ADAM18: variants seen among roughly 807,000 people sequenced by gnomAD.
The protein encoded by ADAM18 is disintegrin and metalloproteinase domain-containing protein 18.
ADAM18 carries 117 observed loss-of-function variants against 94.4 expected under a neutral mutation model. That is an observed-to-expected ratio of 1.24 (90% CI 1.07 to 1.45). The LOEUF is 1.45. ADAM18 is among the 40% of genes most tolerant of loss of function. The pLI is 0.00. For missense variants in ADAM18, 936 were observed against 880.0 expected (o/e 1.06, Z -0.81); for synonymous variants, 327 against 291.6 (o/e 1.12, Z -1.24).
intron 1 of ADAM18, 109 bp from the exon 2 acceptor site, chr8:39,585,167 A>C: frequency 1.4e-6 from 1 of 729,680 alleles, no homozygotes; most frequent in Middle Eastern, 2.4e-4. Context: ...GAGAACTTCT[A>C]CTTAAAATTT....
chr8:39,729,440 C>G (rs1823011511), intron 19 of ADAM18, among the ~76,000 whole-genome samples: 1 of 152,022 alleles, frequency 6.6e-6, no homozygotes, highest in South Asian at 2.1e-4. Context: ...CATGTTAACT[C>G]TATTGTTTTC....
chr8:39,645,470 G>T lies in ADAM18; in HGVS notation c.1042G>T (p.Ala348Ser). The change falls in exon 11 of 20, where the codon GCA (alanine) becomes TCA (serine). Residue 348 changes from alanine (A) to serine (S), a missense_variant. Physicochemically the swap from Ala to Ser is moderately conservative, Grantham distance 99. Coordinates refer to ENST00000265707, the MANE Select transcript of ADAM18 (RefSeq NM_014237.3). ...AGCTACATGCATCATGAATCATGAAGCAGTGTAAGATGTTTTCTTAATTAA... is the reference window on the plus strand; with the variant it reads ...AGCTACATGCATCATGAATCATGAATCAGTGTAAGATGTTTTCTTAATTAA... ...LRATCIMNHE[A>S]VSASGRKIFS... The T allele has an allele frequency of 6.2e-7, 1 of 1,609,000 alleles. No individual in the cohort carries two copies. The highest frequency in any genetic ancestry group is 1.1e-5 in the South Asian group (1 of 89,918).
intron 12 of ADAM18, among the ~76,000 whole-genome samples, chr8:39,654,959 G>A (rs1164932560): frequency 6.6e-6 from 1 of 151,872 alleles, no homozygotes; most frequent in African/African-American, 2.4e-5. Context: ...TGTGTAATTG[G>A]CAAATATTTT....
intron 6 of ADAM18, chr8:39,611,180 C>T: frequency 1.3e-6 from 1 of 762,748 alleles, no homozygotes. Flanking sequence ...CAATCCATCA[C>T]CATGTGGCCT....
intron 17 of ADAM18, among the ~76,000 whole-genome samples, chr8:39,701,141 A>AAAAAAAAAAAAT: frequency 6.9e-6 from 1 of 143,934 alleles, no homozygotes; most frequent in Non-Finnish European, 1.5e-5. Flanking sequence ...AAAAAAAAAA[A>AAAAAAAAAAAAT]AAAAAAAATT....
At chr8:39,627,802 A>G (rs921818257) in intron 6 of ADAM18, among the ~76,000 whole-genome samples, 6 of 151,956 alleles carry the variant, frequency 3.9e-5, no homozygotes, top group Non-Finnish European at 7.4e-5. Flanking sequence ...TTACTGTTTT[A>G]TAGGTCCTAT....
At chr8:39,666,090 T>C (rs1049633841) in intron 13 of ADAM18, among the ~76,000 whole-genome samples, 1 of 152,126 alleles carries the variant, frequency 6.6e-6, no homozygotes, top group Non-Finnish European at 1.5e-5. Context: ...CAGACTGGAG[T>C]GCAGTGGCAC....
chr8:39,584,736 C>G, intron 1 of ADAM18, 59 bp downstream of exon 1: 1 of 1,575,696 alleles, frequency 6.3e-7, no homozygotes, highest in South Asian at 1.1e-5. Flanking sequence ...TGGGCTCTTA[C>G]TGGGAGCAGT....
Position 39,699,393 on chromosome 8 carries a change from G to GT in ADAM18, c.1902+6720dup, listed in dbSNP as rs539609443. Among the ~76,000 whole-genome samples, 132 of 151,952 alleles carry GT rather than the reference G, an allele frequency of 8.7e-4. 2 individuals are homozygous for GT. The South Asian group carries it at 0.01, about 12-fold the overall frequency. ...TTTTTATTATTTAATTATATCATGT[G>GT]TTTTTTTCCATTAATATCTTACTTG... On this transcript the variant is annotated intron_variant, in intron 17 of 19. Coordinates refer to ENST00000265707, the MANE Select transcript of ADAM18 (RefSeq NM_014237.3).
intron 6 of ADAM18, among the ~76,000 whole-genome samples, chr8:39,627,013 T>C (rs890207921): frequency 4.6e-5 from 7 of 152,164 alleles, no homozygotes; most frequent in African/African-American, 1.4e-4. Context: ...TCCACTATTA[T>C]TGTGTTGCTG....
chr8:39,645,446 G>A lies in ADAM18; in HGVS notation c.1018G>A (p.Ala340Thr), dbSNP rs773717327. The A allele has an allele frequency of 4.7e-5, 76 of 1,611,624 alleles. No individual in the cohort carries two copies. The East Asian group carries it at 1.7e-3, about 35-fold the overall frequency. Residue 340 changes from alanine (A) to threonine (T), a missense_variant, in exon 11 of 20, where the codon GCT becomes ACT. Ala to Thr is a moderately conservative substitution (Grantham distance 58, BLOSUM62 0). Coordinates refer to ENST00000265707, the MANE Select transcript of ADAM18 (RefSeq NM_014237.3). ...DDITQCFCLR[A>T]TCIMNHEAVS... is the part of the protein sequence containing the mutation. ...CATCACTCAGTGTTTCTGTCTGAGAGCTACATGCATCATGAATCATGAAGC... is the reference window on the plus strand; with the variant it reads ...CATCACTCAGTGTTTCTGTCTGAGAACTACATGCATCATGAATCATGAAGC...
chr8:39,640,812 C>G (rs895712430), intron 10 of ADAM18, among the ~76,000 whole-genome samples: 1 of 108,358 alleles, frequency 9.2e-6, no homozygotes, highest in Non-Finnish European at 2.3e-5. Flanking sequence ...TTTTTGGCCA[C>G]ATATTTTTTT....
At chr8:39,597,634 A>G (rs1180651172) in intron 2 of ADAM18, among the ~76,000 whole-genome samples, 1 of 151,746 alleles carries the variant, frequency 6.6e-6, no homozygotes, top group African/African-American at 2.4e-5. Flanking sequence ...CCATTATTCT[A>G]TTTGTTTATT....
chr8:39,724,275 C>T (rs928547156), intron 19 of ADAM18, among the ~76,000 whole-genome samples: 4 of 151,592 alleles, frequency 2.6e-5, no homozygotes, highest in Admixed American at 6.6e-5. Flanking sequence ...ATTTTCTGTT[C>T]TTTATTAAGT....
At chr8:39,674,971 A>G (rs1032242783) in intron 14 of ADAM18, among the ~76,000 whole-genome samples, 2 of 152,150 alleles carry the variant, frequency 1.3e-5, no homozygotes, top group Non-Finnish European at 2.9e-5. Flanking sequence ...TCTGGCTTGT[A>G]GGGTTTCTGC....
intron 7 of ADAM18, among the ~76,000 whole-genome samples, chr8:39,636,344 T>C (rs1052031391): frequency 5.3e-5 from 8 of 152,208 alleles, no homozygotes; most frequent in Non-Finnish European, 1.0e-4. Flanking sequence ...GGTTTAAAAT[T>C]ACAGAATCCA....
intron 16 of ADAM18, 67 bp downstream of exon 16, chr8:39,680,293 A>G (rs1330265661): frequency 2.7e-5 from 37 of 1,360,520 alleles, no homozygotes; most frequent in Non-Finnish European, 3.6e-5. Flanking sequence ...ACTGCATTCC[A>G]TGATGACTAT....
rs752578726 is a variant in ADAM18, at chr8:39,609,073, A to C, written c.220A>C (p.Thr74Pro). 2 of 1,590,420 alleles carry C rather than the reference A, an allele frequency of 1.3e-6. No homozygotes were observed. The highest frequency in any genetic ancestry group is 2.3e-5 in the South Asian group (2 of 86,178). ...CTTACCCCAGAACTTTTTGGTTTAT[A>C]CATATAATGAAACTGGATCTTTGCA... ...SFLPQNFLVYTYNETGSLHSV... is the reference protein window; with the variant it reads ...SFLPQNFLVYPYNETGSLHSV... The change falls in exon 4 of 20, where the codon ACA becomes CCA. Residue 74 changes from threonine to proline, a missense_variant. Thr to Pro is a conservative substitution (Grantham distance 38, BLOSUM62 -1). Transcript: ENST00000265707.
intron 17 of ADAM18, among the ~76,000 whole-genome samples, chr8:39,700,941 A>G (rs1190931373): frequency 1.3e-5 from 2 of 150,130 alleles, no homozygotes; most frequent in Admixed American, 6.7e-5. Context: ...AAACGGTGAA[A>G]CCCCGTCTCT....
Sources: allele counts gnomAD v4.1 joint callset (sites outside exome capture counted in the v4.1 genomes callset), GRCh38; gene constraint gnomAD v4.1.1; transcripts MANE v1.5; gene names NCBI Gene and HGNC (gene_info 2026-07-23, HGNC 2026-07-21).